Variants in FAM222B observed in about 807,000 individuals in gnomAD.
FAM222B encodes protein FAM222B.
Under a neutral mutation model 38.0 loss-of-function variants are expected in FAM222B, and 12 were observed. The observed-to-expected ratio is 0.32, with a 90% CI of 0.20 to 0.51. The LOEUF is 0.51. FAM222B is among the 20% of genes least tolerant of loss of function. The probability of loss-of-function intolerance (pLI) is 0.97; values close to 1 mark genes in which losing one functional copy is unlikely to be tolerated. For synonymous variants in FAM222B, 329 were observed against 317.2 expected (o/e 1.04, Z -0.40); for missense variants, 716 against 754.2 (o/e 0.95, Z 0.59).
At chr17:28,814,019 G>T (rs1482287531) in intron 1 of FAM222B, among the ~76,000 whole-genome samples, 2 of 151,740 alleles carry the variant, frequency 1.3e-5, no homozygotes, top group Admixed American at 1.3e-4. Flanking sequence ...AGACCAGCCT[G>T]GTCAACATGG....
chr17:28,767,985 C>A (rs2035422447), intron 1 of FAM222B, among the ~76,000 whole-genome samples: 1 of 152,140 alleles, frequency 6.6e-6, no homozygotes, highest in Non-Finnish European at 1.5e-5. Context: ...TTCGTGCAGG[C>A]AATCCTGACA....
intron 1 of FAM222B, among the ~76,000 whole-genome samples, chr17:28,821,245 G>A (rs903443205): frequency 1.3e-5 from 2 of 151,974 alleles, no homozygotes; most frequent in Non-Finnish European, 2.9e-5. Flanking sequence ...AAGCCACTGC[G>A]CCTGGCCAAA....
At chr17:28,835,740 C>T (rs2038824129) in intron 1 of FAM222B, among the ~76,000 whole-genome samples, 1 of 152,050 alleles carries the variant, frequency 6.6e-6, no homozygotes, top group Admixed American at 6.6e-5. Context: ...GCTCAGATTA[C>T]TGCTCACTAC....
At chr17:28,783,142 A>C (rs2151845869) in intron 1 of FAM222B, among the ~76,000 whole-genome samples, 1 of 151,994 alleles carries the variant, frequency 6.6e-6, no homozygotes, top group South Asian at 2.1e-4. Context: ...TGTCTCAAAA[A>C]AAAAAAAAAA....
At position 28,850,441 on chromosome 17, in the gene FAM222B, A is replaced by G. The variant is rs904680268; in HGVS notation, c.-41+4509T>C. On this transcript the variant is annotated intron_variant, in intron 1 of 2. Transcript: ENST00000577513. ...CTCAGCCTCCCAAGTAGCTGGGACT[A>G]CAAGTGCCTGACACCACGCCCGGCT... Among the ~76,000 whole-genome samples, 12 of 152,054 alleles carry G rather than the reference A, an allele frequency of 7.9e-5. 2 individuals are homozygous for G. The South Asian group carries it at 2.1e-3, about 26-fold the overall frequency.
intron 2 of FAM222B, among the ~76,000 whole-genome samples, chr17:28,762,556 G>A (rs2035130344): frequency 6.8e-6 from 1 of 148,098 alleles, no homozygotes; most frequent in African/African-American, 2.5e-5. Context: ...GAACCCGGCA[G>A]GTGGAGGTTG....
intron 1 of FAM222B, among the ~76,000 whole-genome samples, chr17:28,811,702 T>C (rs990804093): frequency 1.3e-5 from 2 of 152,210 alleles, no homozygotes; most frequent in African/African-American, 4.8e-5. Context: ...GAAGAGACTT[T>C]AGCAGAGTTA....
intron 1 of FAM222B, among the ~76,000 whole-genome samples, chr17:28,816,584 A>G (rs188501237): frequency 1.1e-4 from 17 of 152,250 alleles, no homozygotes; most frequent in Admixed American, 7.2e-4. Context: ...TAACTCTGAC[A>G]CTTAATTTAC....
rs1339066873 is a variant in FAM222B, at chr17:28,757,521, T to C, written c.*749A>G. The C allele has an allele frequency of 6.6e-6, 1 of 151,832 alleles. No homozygotes were observed. Among genetic ancestry groups the C allele is most frequent in the Non-Finnish European group, 1.5e-5 (1 of 67,938 alleles). The allele number at this position is 151,832 out of a possible 1,614,324, so 9.4% of individuals were successfully genotyped here. Reference sequence around the variant, plus strand: ...AGGTGAGTTAGGGGACAGGCAACAGTGAGAAAGGGATCTTGGGTATGCTCA... The same window carrying C: ...AGGTGAGTTAGGGGACAGGCAACAGCGAGAAAGGGATCTTGGGTATGCTCA... On this transcript the variant is annotated 3_prime_UTR_variant, in exon 3 of 3. Transcript: ENST00000581407.
At chr17:28,839,297 A>C (rs978598718) in intron 1 of FAM222B, among the ~76,000 whole-genome samples, 5 of 152,184 alleles carry the variant, frequency 3.3e-5, no homozygotes, top group Non-Finnish European at 5.9e-5. Context: ...TTAAATCTCC[A>C]AAGTTCCTCT....
intron 1 of FAM222B, among the ~76,000 whole-genome samples, chr17:28,803,662 T>C (rs1035279012): frequency 1.3e-5 from 2 of 152,028 alleles, no homozygotes; most frequent in East Asian, 3.9e-4. Flanking sequence ...TTACATATAC[T>C]ATGGGGTCAG....
intron 1 of FAM222B, among the ~76,000 whole-genome samples, chr17:28,837,545 A>C (rs959780758): frequency 3.3e-5 from 5 of 152,142 alleles, no homozygotes; most frequent in African/African-American, 9.7e-5. Context: ...TTTCTTGTTA[A>C]ATTGTAGTCC....
chr17:28,840,089 T>C (rs1317497525), intron 1 of FAM222B, among the ~76,000 whole-genome samples: 4 of 152,070 alleles, frequency 2.6e-5, no homozygotes, highest in African/African-American at 4.8e-5. Context: ...TAGAAACCAT[T>C]TTCTCACTGC....
chr17:28,853,945 T>C (rs1159363611), intron 1 of FAM222B, among the ~76,000 whole-genome samples: 6 of 147,090 alleles, frequency 4.1e-5, no homozygotes, highest in Non-Finnish European at 7.5e-5. Flanking sequence ...CTGTTTCTTT[T>C]TTTTTTTTTT....
At chr17:28,837,092 G>T (rs879472409) in intron 1 of FAM222B, among the ~76,000 whole-genome samples, 3 of 152,018 alleles carry the variant, frequency 2.0e-5, no homozygotes, top group Non-Finnish European at 4.4e-5. Context: ...CTCCAGCCTG[G>T]GTGACAAGAG....
At position 28,756,813 on chromosome 17, in the gene FAM222B, C is replaced by T. The variant is rs553232410; in HGVS notation, c.*1457G>A. On this transcript the variant is annotated 3_prime_UTR_variant, in exon 3 of 3. Coordinates refer to ENST00000581407, the MANE Select transcript of FAM222B (RefSeq NM_001077498.3). ...GGTCTTCAGTCACATTGCTTCAGAT[C>T]ACTAGAGAATTTCTGGCTAACGAAC... The T allele has an allele frequency of 2.6e-5, 4 of 152,256 alleles. No homozygotes were observed. Among genetic ancestry groups the T allele is most frequent in the Non-Finnish European group, 4.4e-5 (3 of 68,004 alleles). 9.4% of individuals were successfully genotyped at this position (152,256 alleles called of 1,614,324 possible). A position where few individuals can be genotyped will look rare whatever the true frequency, so the allele number is the denominator to read the frequency against.
chr17:28,795,571 A>G (rs1464589215), intron 1 of FAM222B, among the ~76,000 whole-genome samples: 1 of 152,138 alleles, frequency 6.6e-6, no homozygotes, highest in African/African-American at 2.4e-5. Flanking sequence ...GGGACTACAG[A>G]CATGTGCCAC....
intron 1 of FAM222B, among the ~76,000 whole-genome samples, chr17:28,848,028 A>G (rs1197566731): frequency 6.6e-6 from 1 of 152,156 alleles, no homozygotes; most frequent in Non-Finnish European, 1.5e-5. Flanking sequence ...AAATCCCAAC[A>G]CTTTGGAAGG....
chr17:28,774,928 C>T (rs1439537576), intron 1 of FAM222B, among the ~76,000 whole-genome samples: 9 of 149,992 alleles, frequency 6.0e-5, no homozygotes, highest in African/African-American at 9.8e-5. Flanking sequence ...GGTCACAGGG[C>T]GAGACTCCGT....
Sources: gnomAD v4.1 joint callset for allele counts (sites outside exome capture counted in the v4.1 genomes callset) on GRCh38, gnomAD v4.1.1 for gene constraint, MANE v1.5 for transcripts, NCBI Gene and HGNC (gene_info 2026-07-23, HGNC 2026-07-21) for gene names.